Variants in RIPOR3 observed in about 807,000 individuals in gnomAD.
RIPOR3 encodes the protein family with sequence similarity 65 member C.
A neutral mutation model predicts 114.3 loss-of-function variants in RIPOR3; 95 were observed. The observed-to-expected ratio is 0.83, with a 90% CI of 0.70 to 0.99. The LOEUF is 0.99. RIPOR3 is among the 50% of genes least tolerant of loss of function. RIPOR3 has a pLI of 0.00. For synonymous variants in RIPOR3, 575 were observed against 543.8 expected, an observed-to-expected ratio of 1.06 and a Z score of -0.80; for missense variants, 1,252 against 1,266.9, an observed-to-expected ratio of 0.99 and a Z score of 0.18.
chr20:50,630,921 GC>G, intron 1 of RIPOR3, 65 bp from the exon 2 acceptor site: 1 of 1,311,520 alleles, frequency 7.6e-7, no homozygotes, highest in Non-Finnish European at 1.1e-6. Flanking sequence ...CCGCAGGCCA[GC>G]CACCTTCCAC....
At position 50,666,317 on chromosome 20, in the gene RIPOR3, C is replaced by T. The variant is rs188513050; in HGVS notation, c.3+24809G>A. On this transcript the variant is annotated intron_variant, in intron 1 of 21. Transcript: ENST00000327979. Reference sequence around the variant, plus strand: ...TCGGCTCACCGCAATCTCCGTCTCCCGGGTTCAAGCAATTCTCCTGCTTCA... The same window carrying T: ...TCGGCTCACCGCAATCTCCGTCTCCTGGGTTCAAGCAATTCTCCTGCTTCA... Among the ~76,000 whole-genome samples, 91 of 150,114 alleles carry T rather than the reference C, an allele frequency of 6.1e-4. No individual in the cohort carries two copies. The South Asian group carries it at 9.4e-3, about 15-fold the overall frequency.
In RIPOR3 at chr20:50,691,284, G is replaced by T; in HGVS notation, c.-156C>A. 2 of 930,754 alleles carry T rather than the reference G, an allele frequency of 2.1e-6. No individual in the cohort carries two copies. The highest frequency in any genetic ancestry group is 1.5e-5 in the South Asian group (1 of 68,226). 57.7% of individuals were successfully genotyped at this position (930,754 alleles called of 1,614,324 possible). ...ATTCCATCCACACTGGCCACCAGCCGCTGGTCCCGCTCTCTGGGAAGATCG... is the reference window on the plus strand; with the variant it reads ...ATTCCATCCACACTGGCCACCAGCCTCTGGTCCCGCTCTCTGGGAAGATCG... On this transcript the variant is annotated 5_prime_UTR_variant, in exon 1 of 22. Transcript: ENST00000327979.
intron 1 of RIPOR3, chr20:50,636,905 T>C: frequency 1.0e-6 from 1 of 985,430 alleles, no homozygotes; most frequent in Non-Finnish European, 1.2e-6. Flanking sequence ...CTTTTGGGGC[T>C]GGGTGGCTTT....
At chr20:50,610,370 G>A (rs1430176321) in intron 6 of RIPOR3, among the ~76,000 whole-genome samples, 1 of 152,114 alleles carries the variant, frequency 6.6e-6, no homozygotes, top group African/African-American at 2.4e-5. Flanking sequence ...TTTCAACAAT[G>A]AAATGGGAGA....
At chr20:50,686,470 C>T (rs1024833165) in intron 1 of RIPOR3, among the ~76,000 whole-genome samples, 1 of 151,956 alleles carries the variant, frequency 6.6e-6, no homozygotes, top group Non-Finnish European at 1.5e-5. Context: ...TGCTTGGGGC[C>T]GGGCATGGTG....
chr20:50,625,223 A>G (rs934395402), intron 2 of RIPOR3, among the ~76,000 whole-genome samples: 2 of 152,104 alleles, frequency 1.3e-5, no homozygotes, highest in Non-Finnish European at 2.9e-5. Flanking sequence ...GGAGTGCACA[A>G]TTACACTCGG....
At position 50,630,854 on chromosome 20, in the gene RIPOR3, C is replaced by T. The variant is rs1269496894; in HGVS notation, c.6G>A (p.Val2=). 1 of 1,597,128 alleles carries T rather than the reference C, an allele frequency of 6.3e-7. No individual in the cohort carries two copies. The highest frequency in any genetic ancestry group is 1.3e-5 in the African/African-American group (1 of 74,632). Residue 2 remains valine, a splice_region_variant and synonymous_variant, in exon 2 of 22, where the codon GTG becomes GTA. Transcript: ENST00000327979. The part of the protein sequence containing the change: M[V]TTMSVRLRFL... Reference sequence around the variant, plus strand: ...ACCGCAACCTCACCGACATGGTGGTCACCTGCAAGGAGAGGACAGGAGAGT... The same window carrying T: ...ACCGCAACCTCACCGACATGGTGGTTACCTGCAAGGAGAGGACAGGAGAGT...
intron 3 of RIPOR3, among the ~76,000 whole-genome samples, chr20:50,617,841 C>A (rs2123138471): frequency 1.3e-5 from 2 of 151,120 alleles, no homozygotes; most frequent in Middle Eastern, 6.9e-3. Context: ...CCACGCTGGT[C>A]TCAAACTCCT....
intron 2 of RIPOR3, among the ~76,000 whole-genome samples, chr20:50,629,580 C>A (rs1402748383): frequency 6.6e-6 from 1 of 152,150 alleles, no homozygotes. Flanking sequence ...CCGGCCAGCA[C>A]CCCCAGGGAA....
At chr20:50,606,071 T>TG (rs2083702333) in intron 11 of RIPOR3, among the ~76,000 whole-genome samples, 1 of 152,222 alleles carries the variant, frequency 6.6e-6, no homozygotes, top group African/African-American at 2.4e-5. Flanking sequence ...CTGGGCATGG[T>TG]GGCAGGCACC....
chr20:50,666,182 C>CTTTTCTTTTCTTTTCTTCTTTT (rs2086188226), intron 1 of RIPOR3, among the ~76,000 whole-genome samples: 1 of 94,646 alleles, frequency 1.1e-5, no homozygotes, highest in African/African-American at 4.0e-5. Flanking sequence ...AAAGGACACC[C>CTTTTCTTTTCTTTTCTTCTTTT]ATTTCTTTTC....
intron 20 of RIPOR3, among the ~76,000 whole-genome samples, chr20:50,588,101 C>T (rs953336317): frequency 2.0e-5 from 3 of 152,244 alleles, no homozygotes; most frequent in Non-Finnish European, 2.9e-5. Flanking sequence ...TCAGCCCTTA[C>T]ACCCGCTAGG....
intron 6 of RIPOR3, among the ~76,000 whole-genome samples, chr20:50,610,384 C>G (rs1108894): frequency 0.15 from 22,751 of 152,038 alleles, 2,612 homozygotes; most frequent in African/African-American, 0.33. Flanking sequence ...TGGGAGATGA[C>G]TTTGTGATAA....
At position 50,625,342 on chromosome 20, in the gene RIPOR3, G is replaced by A. The variant is rs144379219; in HGVS notation, c.123-5210C>T. Among the ~76,000 whole-genome samples, 1,398 of 152,330 alleles carry A rather than the reference G, an allele frequency of 9.2e-3. 10 individuals carry two copies. The highest frequency in any genetic ancestry group is 0.012 in the Non-Finnish European group (797 of 68,036). On this transcript the variant is annotated intron_variant, in intron 2 of 21. Transcript: ENST00000327979. ...CTGCCTTGGCCTCCCAAAGTGCTGG[G>A]ATTGCAGGCGTGAGCCACCACGCCC...
At chr20:50,597,557 C>T (rs1422854127) in intron 14 of RIPOR3, 23 bp downstream of exon 14, 3 of 1,591,808 alleles carry the variant, frequency 1.9e-6, no homozygotes, top group Admixed American at 1.8e-5. Context: ...CACTGGGTCA[C>T]TGCTGGAAGG....
At chr20:50,604,051 G>A (rs548031590) in intron 12 of RIPOR3, among the ~76,000 whole-genome samples, 14 of 152,150 alleles carry the variant, frequency 9.2e-5, no homozygotes, top group South Asian at 2.1e-4. Context: ...ATGTGGTGGC[G>A]TGTGCCTGTA....
intron 1 of RIPOR3, among the ~76,000 whole-genome samples, chr20:50,676,769 C>CTTTT (rs1310891448): frequency 1.5e-5 from 2 of 132,820 alleles, no homozygotes; most frequent in Non-Finnish European, 3.2e-5. Flanking sequence ...CCAGATTCTA[C>CTTTT]TTTTTTTTTT....
At chr20:50,609,408 G>A in intron 7 of RIPOR3, 52 bp from the exon 8 acceptor site, 1 of 1,595,538 alleles carries the variant, frequency 6.3e-7, no homozygotes, top group Admixed American at 1.7e-5. Flanking sequence ...AGGCCACGAG[G>A]GCCTCTAACC....
At position 50,602,244 on chromosome 20, in the gene RIPOR3, C is replaced by T; in HGVS notation, c.1487G>A (p.Ser496Asn). The change falls in exon 13 of 22, where the codon AGT (serine) becomes AAT (asparagine). Residue 496 changes from serine to asparagine, a missense_variant. Coordinates refer to ENST00000327979, the MANE Select transcript of RIPOR3 (RefSeq NM_001290268.2). The surrounding 1 kb of genome is among the most constrained non-coding windows in gnomAD (Gnocchi z 4.3). ...GSLFHSGTAS[S>N]SQNGHEEGAT... ...CCCTTCCTCGTGGCCGTTCTGGCTA[C>T]TCGAGGCTGTGCCGCTGTGGAACAG... 1 of 1,613,952 alleles carries T rather than the reference C, an allele frequency of 6.2e-7. No homozygotes were observed. The highest frequency in any genetic ancestry group is 8.5e-7 in the Non-Finnish European group (1 of 1,179,960).
Sources: allele counts gnomAD v4.1 joint callset (sites outside exome capture counted in the v4.1 genomes callset), GRCh38; gene constraint gnomAD v4.1.1; non-coding constraint Gnocchi (gnomAD v3.1); transcripts MANE v1.5; gene names NCBI Gene and HGNC (gene_info 2026-07-23, HGNC 2026-07-21).